UXS1: variants seen among roughly 807,000 people sequenced by gnomAD.
UXS1 encodes UDP-glucuronic acid decarboxylase 1.
UXS1 carries 33 observed loss-of-function variants against 62.6 expected under a neutral mutation model. The ratio of observed to expected loss-of-function variants is 0.53; its 90% CI spans 0.40 to 0.70. The LOEUF is 0.70. Among genes scored for constraint, UXS1 ranks in the 30% least tolerant of loss-of-function variants. The pLI, the probability that UXS1 is intolerant of heterozygous loss-of-function variation, is 0.00. For missense variants in UXS1, 434 were observed against 556.3 expected (o/e 0.78, Z 2.21); for synonymous variants, 213 against 206.8 (o/e 1.03, Z -0.26).
chr2:106,143,333 C>T (rs1354931347), intron 6 of UXS1, among the ~76,000 whole-genome samples: 3 of 131,730 alleles, frequency 2.3e-5, no homozygotes, highest in Admixed American at 9.2e-5. Flanking sequence ...GGCGTGAACC[C>T]GGGAGGCAGA....
intron 11 of UXS1, 122 bp from the exon 12 acceptor site, chr2:106,101,240 G>A: frequency 1.0e-6 from 1 of 987,494 alleles, no homozygotes; most frequent in Non-Finnish European, 1.5e-6. Flanking sequence ...AACCCAAATG[G>A]AAAATTGAAT....
intron 1 of UXS1, among the ~76,000 whole-genome samples, chr2:106,172,170 CCT>C (rs1444970230): frequency 2.0e-5 from 3 of 152,202 alleles, no homozygotes; most frequent in Non-Finnish European, 2.9e-5. Flanking sequence ...GGGAGGACCC[CCT>C]GAGAGGGCGT....
intron 4 of UXS1, among the ~76,000 whole-genome samples, chr2:106,161,833 C>G (rs1319205935): frequency 6.6e-6 from 1 of 152,134 alleles, no homozygotes; most frequent in African/African-American, 2.4e-5. Flanking sequence ...TCCATTTACT[C>G]AGGATTCTAG....
chr2:106,194,245 CGG>C lies in UXS1; in HGVS notation c.-6_-5del. On this transcript the variant is annotated 5_prime_UTR_variant, in exon 1 of 15. Transcript: ENST00000283148. ...GCAGCAGCGCCTTGCTCACCATCCCCGGGAGCCGCGCGGGTCCAGGGCCCTAC... is the reference window on the plus strand; with the variant it reads ...GCAGCAGCGCCTTGCTCACCATCCCCGAGCCGCGCGGGTCCAGGGCCCTAC... 1 of 1,395,390 alleles carries C rather than the reference CGG, an allele frequency of 7.2e-7. No homozygotes were observed. The highest frequency in any genetic ancestry group is 9.4e-7 in the Non-Finnish European group (1 of 1,064,010). The allele number at this position is 1,395,390 out of a possible 1,614,324, so 86.4% of individuals were successfully genotyped here.
At chr2:106,126,580 G>C (rs183562550) in intron 7 of UXS1, among the ~76,000 whole-genome samples, 4 of 152,274 alleles carry the variant, frequency 2.6e-5, no homozygotes, top group Non-Finnish European at 5.9e-5. Flanking sequence ...GGATTCTAGC[G>C]TGCAGCAGCC....
At chr2:106,179,591 A>G (rs1684114253) in intron 1 of UXS1, 3 of 152,244 alleles carry the variant, frequency 2.0e-5, no homozygotes, top group Admixed American at 2.0e-4. Context: ...ACAGGCTTGA[A>G]GGTAAAGCTT....
At chr2:106,152,345 G>A (rs1307286434) in intron 5 of UXS1, among the ~76,000 whole-genome samples, 1 of 152,036 alleles carries the variant, frequency 6.6e-6, no homozygotes. Context: ...CCAGCTACTT[G>A]GGAGGGTGAG....
At chr2:106,185,077 T>C (rs1684476212) in intron 1 of UXS1, among the ~76,000 whole-genome samples, 2 of 152,204 alleles carry the variant, frequency 1.3e-5, no homozygotes, top group Admixed American at 6.5e-5. Context: ...TCTGCCTTTA[T>C]GGGCCACAAA....
chr2:106,154,784 C>A (rs1332615891), intron 5 of UXS1, among the ~76,000 whole-genome samples: 2 of 152,208 alleles, frequency 1.3e-5, no homozygotes, highest in Non-Finnish European at 2.9e-5. Flanking sequence ...TGATTAACTG[C>A]TGGCTCATTA....
chr2:106,183,139 T>A (rs1221117209), intron 1 of UXS1, among the ~76,000 whole-genome samples: 1 of 151,690 alleles, frequency 6.6e-6, no homozygotes, highest in African/African-American at 2.4e-5. Flanking sequence ...CTTTGATGAG[T>A]GTCAGAATAA....
chr2:106,104,789 C>T lies in UXS1; in HGVS notation c.923+5G>A, dbSNP rs745995972. The T allele has an allele frequency of 6.2e-7, 1 of 1,614,018 alleles. No individual in the cohort carries two copies. Among genetic ancestry groups the T allele is most frequent in the Non-Finnish European group, 8.5e-7 (1 of 1,179,902 alleles). ...TAAGGCTGGGGCAGGGCAGGACAGTCTTACCTGACGTACTGGAACGCCCTT... is the reference window on the plus strand; with the variant it reads ...TAAGGCTGGGGCAGGGCAGGACAGTTTTACCTGACGTACTGGAACGCCCTT... On this transcript the variant is annotated splice_donor_5th_base_variant and intron_variant, in intron 11 of 14. Transcript: ENST00000283148.
At chr2:106,112,815 G>A (rs773568342) in intron 9 of UXS1, 50 bp from the exon 10 acceptor site, 33 of 1,579,788 alleles carry the variant, frequency 2.1e-5, no homozygotes, top group Admixed American at 1.1e-4. Context: ...TGTGGTCCAC[G>A]CATCCACTTT....
intron 1 of UXS1, among the ~76,000 whole-genome samples, chr2:106,187,768 T>C (rs1370712630): frequency 6.8e-6 from 1 of 147,452 alleles, no homozygotes; most frequent in Non-Finnish European, 1.5e-5. Context: ...TGAGATGGAG[T>C]TTCGCTTTTG....
intron 6 of UXS1, among the ~76,000 whole-genome samples, chr2:106,136,383 A>G (rs1447748027): frequency 6.7e-6 from 1 of 149,030 alleles, no homozygotes; most frequent in Non-Finnish European, 1.5e-5. Context: ...AACTAGAAAC[A>G]CCATTTGACC....
intron 5 of UXS1, among the ~76,000 whole-genome samples, chr2:106,155,397 G>A (rs1223273894): frequency 6.6e-6 from 1 of 152,138 alleles, no homozygotes; most frequent in East Asian, 1.9e-4. Flanking sequence ...ATAGTAAATG[G>A]ATTCCAGAAG....
At chr2:106,138,543 T>G in intron 6 of UXS1, 1 of 985,366 alleles carries the variant, frequency 1.0e-6, no homozygotes, top group South Asian at 4.7e-5. Flanking sequence ...CAAATACCCC[T>G]CCACGGTGCT....
At chr2:106,189,091 A>C (rs542220364) in intron 1 of UXS1, among the ~76,000 whole-genome samples, 1 of 152,256 alleles carries the variant, frequency 6.6e-6, no homozygotes, top group East Asian at 1.9e-4. Context: ...CAGCAATCCT[A>C]TATCAGAATA....
intron 1 of UXS1, among the ~76,000 whole-genome samples, chr2:106,192,895 G>A (rs1436068506): frequency 6.6e-6 from 1 of 152,112 alleles, no homozygotes; most frequent in African/African-American, 2.4e-5. Context: ...AACAAATGTA[G>A]GTAGTATTAC....
chr2:106,180,921 T>C (rs1396681592), intron 1 of UXS1, among the ~76,000 whole-genome samples: 1 of 152,228 alleles, frequency 6.6e-6, no homozygotes, highest in African/African-American at 2.4e-5. Context: ...TGCCTTTTTC[T>C]ACTTAAAGAG....
Sources: allele counts gnomAD v4.1 joint callset (sites outside exome capture counted in the v4.1 genomes callset), GRCh38; gene constraint gnomAD v4.1.1; transcripts MANE v1.5; gene names NCBI Gene and HGNC (gene_info 2026-07-23, HGNC 2026-07-21).